Variants in ZNF471 observed in about 807,000 individuals in gnomAD.
The protein encoded by ZNF471 is EZFIT-related protein 1.
Under a neutral mutation model 13.7 loss-of-function variants are expected in ZNF471, and 7 were observed. The ratio of observed to expected loss-of-function variants is 0.51; its 90% CI spans 0.29 to 0.96. The LOEUF (loss-of-function observed/expected upper bound fraction) is 0.96. Ranked by LOEUF, ZNF471 falls within the 40% of genes least tolerant of loss-of-function variation. The pLI, the probability that ZNF471 is intolerant of heterozygous loss-of-function variation, is 0.08. For synonymous variants in ZNF471, 218 were observed against 235.6 expected (o/e 0.93, Z 0.68); for missense variants, 663 against 743.3 (o/e 0.89, Z 1.26).
Position 56,524,599 on chromosome 19 carries a change from T to A in ZNF471, c.532T>A (p.Tyr178Asn). Residue 178 changes from tyrosine (Y) to asparagine (N), a missense_variant, in exon 5 of 5, where the codon TAT becomes AAT. By Grantham distance (143) the Tyr-to-Asn change is moderately radical. Transcript: ENST00000308031. The surrounding 1 kb of genome is among the most constrained non-coding windows in gnomAD (Gnocchi z 4.8). ...IHLENIEESI[Y>N]NHTSDKKSFS... ...TCTGGAAAACATAGAAGAGAGTATT[T>A]ATAATCACACATCAGATAAAAAAAG... 6.3e-7 allele frequency: 1 copy of A among 1,593,744 alleles called. No homozygotes were observed. Among genetic ancestry groups the A allele is most frequent in the Non-Finnish European group, 8.5e-7 (1 of 1,174,916 alleles).
chr19:56,511,089 T>TA, intron 1 of ZNF471: 2 of 945,632 alleles, frequency 2.1e-6, no homozygotes, highest in Non-Finnish European at 2.5e-6. Flanking sequence ...TTTTCCTTTT[T>TA]CTTTTGTTTT....
Position 56,525,723 on chromosome 19 carries a change from C to T in ZNF471, c.1656C>T (p.Phe552=), listed in dbSNP as rs1568477225. The T allele has an allele frequency of 6.2e-7, 1 of 1,613,802 alleles. No homozygotes were observed. The highest frequency in any genetic ancestry group is 8.5e-7 in the Non-Finnish European group (1 of 1,179,794). Residue 552 remains phenylalanine (F), a synonymous_variant, in exon 5 of 5, where the codon TTC becomes TTT. Transcript: ENST00000308031. The stretch of plus-strand genomic sequence containing the variant: ...AGTGTAATGAATGCGGGAAAGCCTT[C>T]AGCCAAACTTCCAATCTTACTCAAC... ...PYECNECGKA[F]SQTSNLTQHQ...
At chr19:56,514,638 C>T (rs574619876) in intron 2 of ZNF471, among the ~76,000 whole-genome samples, 151 of 148,182 alleles carry the variant, frequency 1.0e-3, no homozygotes, top group African/African-American at 3.5e-3. Flanking sequence ...TTTTTCATCA[C>T]ATCAAATCAG....
chr19:56,511,095 GT>G (rs113110562), intron 1 of ZNF471: 188,485 of 736,604 alleles, frequency 0.26, 6,913 homozygotes, highest in Middle Eastern at 0.27. Flanking sequence ...TTTTTCTTTT[GT>G]TTTTTTTTTT....
chr19:56,514,479 G>A (rs2043854901), intron 2 of ZNF471, among the ~76,000 whole-genome samples: 1 of 152,118 alleles, frequency 6.6e-6, no homozygotes, highest in Non-Finnish European at 1.5e-5. Flanking sequence ...CCTCTTAGCT[G>A]TGATAGTTTT....
rs66882079 is a variant in ZNF471, at chr19:56,528,925, T to TAA, written c.*2984_*2985dup. 2 of 151,432 alleles carry TAA rather than the reference T, an allele frequency of 1.3e-5. No individual in the cohort carries two copies. Among genetic ancestry groups the TAA allele is most frequent in the South Asian group, 2.1e-4 (1 of 4,794 alleles). 9.4% of individuals were successfully genotyped at this position (151,432 alleles called of 1,614,324 possible). A position where few individuals can be genotyped will look rare whatever the true frequency, so the allele number is the denominator to read the frequency against. On this transcript the variant is annotated 3_prime_UTR_variant, in exon 5 of 5. Transcript: ENST00000308031. ...AAGTTGTTCTGGAGTATATTTTTTT[T>TAA]AAAAAAAACACTTAAAATGTTCCAC...
In ZNF471 at chr19:56,510,590, A is replaced by G. The variant is rs975817844; in HGVS notation, c.-55-927A>G. On this transcript the variant is annotated intron_variant, in intron 1 of 4. Coordinates refer to ENST00000308031, the MANE Select transcript of ZNF471 (RefSeq NM_020813.4). This position sits in a 1 kb window ranked among gnomAD's most constrained non-coding sequence, Gnocchi z 4.3. ...AGGCAATGGAAATGTGACTGTGTAT[A>G]TGTGCTTGTTTTGGGGTGCTTGTGA... The G allele has an allele frequency of 1.7e-5, 17 of 985,678 alleles. No individual in the cohort carries two copies. The Admixed American group carries it at 1.8e-4, about 11-fold the overall frequency. The allele number at this position is 985,678 out of a possible 1,614,324, so 61.1% of individuals were successfully genotyped here.
At position 56,524,184 on chromosome 19, in the gene ZNF471, G is replaced by C; in HGVS notation, c.257-140G>C. 1 of 605,990 alleles carries C rather than the reference G, an allele frequency of 1.7e-6. No individual in the cohort carries two copies. The highest frequency in any genetic ancestry group is 2.9e-5 in the South Asian group (1 of 33,978). The allele number at this position is 605,990 out of a possible 1,614,324, so 37.5% of individuals were successfully genotyped here. The stretch of plus-strand genomic sequence containing the variant: ...GAGCTGTCTTTCTTGGGGTCTCCCT[G>C]AATGTTTTCCAGTTGACATGCCTGT... On this transcript the variant is annotated intron_variant, in intron 4 of 4. Coordinates refer to ENST00000308031, the MANE Select transcript of ZNF471 (RefSeq NM_020813.4). This position sits in a 1 kb window ranked among gnomAD's most constrained non-coding sequence, Gnocchi z 4.8.
Position 56,516,184 on chromosome 19 carries a change from T to A in ZNF471, c.34-91T>A. The A allele has an allele frequency of 1.5e-6, 2 of 1,326,042 alleles. No homozygotes were observed. Among genetic ancestry groups the A allele is most frequent in the Non-Finnish European group, 2.1e-6 (2 of 947,966 alleles). The allele number at this position is 1,326,042 out of a possible 1,614,324, so 82.1% of individuals were successfully genotyped here. ...TATGTTTTTTCTCTTCTATGAGTTA[T>A]TTCTCACCTAAAGTAGAGACACTTT... On this transcript the variant is annotated intron_variant, in intron 2 of 4. Transcript: ENST00000308031. The surrounding 1 kb of genome is among the most constrained non-coding windows in gnomAD (Gnocchi z 4.4).
In ZNF471 at chr19:56,525,538, G is replaced by A; in HGVS notation, c.1471G>A (p.Glu491Lys). The A allele has an allele frequency of 6.2e-7, 1 of 1,614,086 alleles. No individual in the cohort carries two copies. The highest frequency in any genetic ancestry group is 2.2e-5 in the East Asian group (1 of 44,860). The stretch of plus-strand genomic sequence containing the variant: ...TGGTGAAAAACCCTATGAATGTAAA[G>A]AATGTGGAAAAGCTTTTAGAATCAG... ...HTGEKPYECK[E>K]CGKAFRISSQ... Residue 491 changes from glutamate to lysine, a missense_variant, in exon 5 of 5, where the codon GAA becomes AAA. Physicochemically the swap from Glu to Lys is moderately conservative, Grantham distance 56. Transcript: ENST00000308031.
intron 1 of ZNF471, among the ~76,000 whole-genome samples, chr19:56,511,134 A>G (rs1428156537): frequency 6.7e-6 from 1 of 149,568 alleles, no homozygotes; most frequent in Non-Finnish European, 1.5e-5. Context: ...CATCTGGCCC[A>G]GAAAGGAGCC....
At chr19:56,513,781 T>C (rs1476449915) in intron 2 of ZNF471, among the ~76,000 whole-genome samples, 1 of 152,142 alleles carries the variant, frequency 6.6e-6, no homozygotes, top group African/African-American at 2.4e-5. Flanking sequence ...GGTTTAGTGC[T>C]AGACTTTATA....
At chr19:56,512,516 T>G (rs1278541666) in intron 2 of ZNF471, among the ~76,000 whole-genome samples, 1 of 152,164 alleles carries the variant, frequency 6.6e-6, no homozygotes, top group East Asian at 1.9e-4. Context: ...TAATTTATAA[T>G]AAGTGAGGCA....
chr19:56,525,484 C>G lies in ZNF471; in HGVS notation c.1417C>G (p.His473Asp). The G allele has an allele frequency of 6.2e-7, 1 of 1,614,070 alleles. No homozygotes were observed. Among genetic ancestry groups the G allele is most frequent in the Non-Finnish European group, 8.5e-7 (1 of 1,180,010 alleles). Residue 473 changes from histidine (H) to aspartate (D), a missense_variant, in exon 5 of 5, where the codon CAC (histidine) becomes GAC (aspartate). Coordinates refer to ENST00000308031, the MANE Select transcript of ZNF471 (RefSeq NM_020813.4). ...TGGGAAAGCCTTTAGGCAGAATGTA[C>G]ACCTTGTTAGTCATTTGAGAATTCA... ...ECGKAFRQNV[H>D]LVSHLRIHTG...
At chr19:56,511,670 T>A in intron 2 of ZNF471, 66 bp downstream of exon 2, 1 of 1,328,120 alleles carries the variant, frequency 7.5e-7, no homozygotes, top group Non-Finnish European at 1.1e-6. Flanking sequence ...TTGTAATGCT[T>A]CTTTTCTTTT....
chr19:56,510,548 C>CTT lies in ZNF471; in HGVS notation c.-55-968_-55-967dup. On this transcript the variant is annotated intron_variant, in intron 1 of 4. Transcript: ENST00000308031. The surrounding 1 kb of genome is among the most constrained non-coding windows in gnomAD (Gnocchi z 4.3). ...AGGTGTTGGTGAATCACCACGTGTGCTTATATTCATGTCCTCAGGCAATGG... is the reference window on the plus strand; with the variant it reads ...AGGTGTTGGTGAATCACCACGTGTGCTTTTATATTCATGTCCTCAGGCAATGG... 3.0e-6 allele frequency: 3 copies of CTT among 985,676 alleles called. No individual in the cohort carries two copies. The highest frequency in any genetic ancestry group is 2.4e-6 in the Non-Finnish European group (2 of 829,992). The allele number at this position is 985,676 out of a possible 1,614,324, so 61.1% of individuals were successfully genotyped here.
At position 56,522,900 on chromosome 19, in the gene ZNF471, C is replaced by A. The variant is rs1419088100; in HGVS notation, c.257-1424C>A. 6.6e-6 allele frequency among the ~76,000 whole-genome samples: 1 copy of A among 152,082 alleles called. No individual in the cohort carries two copies. Among genetic ancestry groups the A allele is most frequent in the African/African-American group, 2.4e-5 (1 of 41,422 alleles). ...TACAGGCAGGTGACACCATGCCCCG[C>A]TAATTTTGTGTTTTTAGTAGAGACA... On this transcript the variant is annotated intron_variant, in intron 4 of 4. Transcript: ENST00000308031. This position sits in a 1 kb window ranked among gnomAD's most constrained non-coding sequence, Gnocchi z 4.1.
At chr19:56,523,911 C>A (rs1314027230) in intron 4 of ZNF471, among the ~76,000 whole-genome samples, 1 of 152,144 alleles carries the variant, frequency 6.6e-6, no homozygotes, top group African/African-American at 2.4e-5. Flanking sequence ...GCAGTCTCAA[C>A]CTCCTGGGCT....
chr19:56,525,090 T>A lies in ZNF471; in HGVS notation c.1023T>A (p.Thr341=). 6.2e-7 allele frequency: 1 copy of A among 1,614,004 alleles called. No homozygotes were observed. The highest frequency in any genetic ancestry group is 8.5e-7 in the Non-Finnish European group (1 of 1,179,982). Residue 341 remains threonine (T), a synonymous_variant, in exon 5 of 5, where the codon ACT becomes ACA. Transcript: ENST00000308031. The part of the protein sequence containing the change: ...SSFARHQRCH[T]GKRPYECIEC... ...TTGCTCGACATCAGAGATGTCACAC[T>A]GGCAAAAGACCCTATGAATGTATTG...
Sources: allele counts gnomAD v4.1 joint callset (sites outside exome capture counted in the v4.1 genomes callset), GRCh38; gene constraint gnomAD v4.1.1; non-coding constraint Gnocchi (gnomAD v3.1); transcripts MANE v1.5; gene names NCBI Gene and HGNC (gene_info 2026-07-23, HGNC 2026-07-21).